CHRM3: variants seen among roughly 807,000 people sequenced by gnomAD.
CHRM3 encodes muscarinic acetylcholine receptor M3.
A neutral mutation model predicts 41.8 loss-of-function variants in CHRM3; 11 were observed. That is an observed-to-expected ratio of 0.26 (90% CI 0.17 to 0.44). The LOEUF is 0.44. Among genes scored for constraint, CHRM3 ranks in the 20% least tolerant of loss-of-function variants. The pLI is 1.00. For missense variants in CHRM3, 571 were observed against 745.4 expected (o/e 0.77, Z 2.72); for synonymous variants, 297 against 301.4 (o/e 0.99, Z 0.15).
At chr1:239,615,360 C>T (rs12080951) in intron 3 of CHRM3, among the ~76,000 whole-genome samples, 32,533 of 151,946 alleles carry the variant, frequency 0.21, 3,837 homozygotes, top group African/African-American at 0.28. Flanking sequence ...AGCTAGAAAT[C>T]GGGTGGGAAA....
intron 6 of CHRM3, among the ~76,000 whole-genome samples, chr1:239,884,761 C>T (rs892226242): frequency 6.6e-6 from 1 of 152,132 alleles, no homozygotes; most frequent in African/African-American, 2.4e-5. Context: ...TTGTATGGTG[C>T]TTACTAGTAG....
At chr1:239,627,223 C>T (rs1468257058) in intron 3 of CHRM3, among the ~76,000 whole-genome samples, 12 of 121,454 alleles carry the variant, frequency 9.9e-5, no homozygotes, top group African/African-American at 2.5e-4. Flanking sequence ...TAGTTAGCTC[C>T]TCTTGTTGAA....
intron 1 of CHRM3, among the ~76,000 whole-genome samples, chr1:239,473,522 T>C (rs964315731): frequency 2.0e-5 from 3 of 152,172 alleles, no homozygotes; most frequent in African/African-American, 7.2e-5. Context: ...GTGTAACTAA[T>C]TTGGAGGGTA....
intron 6 of CHRM3, among the ~76,000 whole-genome samples, chr1:239,868,320 C>T (rs142239963): frequency 4.7e-4 from 72 of 152,274 alleles, no homozygotes; most frequent in African/African-American, 1.6e-3. Context: ...GATTTTACAG[C>T]TGTCACTAAA....
At chr1:239,662,895 C>CTTCTTCTTCTTCTTT (rs745750198) in intron 4 of CHRM3, among the ~76,000 whole-genome samples, 14 of 117,124 alleles carry the variant, frequency 1.2e-4, no homozygotes, top group African/African-American at 4.1e-4. Flanking sequence ...TCCTCCTCCT[C>CTTCTTCTTCTTCTTT]TTCTTCTTCT....
chr1:239,498,917 G>A (rs1041986314), intron 2 of CHRM3, among the ~76,000 whole-genome samples: 1 of 152,050 alleles, frequency 6.6e-6, no homozygotes, highest in African/African-American at 2.4e-5. Flanking sequence ...GTTTTATTTA[G>A]CATGCTTCCT....
chr1:239,433,811 A>G (rs1310214493), intron 1 of CHRM3, among the ~76,000 whole-genome samples: 2 of 152,180 alleles, frequency 1.3e-5, no homozygotes, highest in African/African-American at 2.4e-5. Context: ...ATGACTGAGT[A>G]GTATTCCATC....
At chr1:239,479,710 A>G (rs1666703674) in intron 1 of CHRM3, among the ~76,000 whole-genome samples, 1 of 152,198 alleles carries the variant, frequency 6.6e-6, no homozygotes, top group Non-Finnish European at 1.5e-5. Context: ...TTGTAACACA[A>G]TGGTAAGTAT....
intron 6 of CHRM3, among the ~76,000 whole-genome samples, chr1:239,886,897 T>G (rs2102913705): frequency 6.6e-6 from 1 of 152,298 alleles, no homozygotes; most frequent in East Asian, 1.9e-4. Flanking sequence ...ATATGTGATT[T>G]TATCAAAGCG....
At chr1:239,494,405 C>G (rs1667749747) in intron 2 of CHRM3, among the ~76,000 whole-genome samples, 1 of 152,092 alleles carries the variant, frequency 6.6e-6, no homozygotes, top group South Asian at 2.1e-4. Context: ...CAAATCCGTA[C>G]TATGTGCACT....
intron 5 of CHRM3, among the ~76,000 whole-genome samples, chr1:239,817,276 T>A (rs1229636555): frequency 6.6e-6 from 1 of 152,154 alleles, no homozygotes; most frequent in Non-Finnish European, 1.5e-5. Context: ...ATTTTGAAGT[T>A]CACTGTGAAA....
intron 6 of CHRM3, among the ~76,000 whole-genome samples, chr1:239,861,348 A>G (rs935882882): frequency 6.6e-6 from 1 of 152,130 alleles, no homozygotes; most frequent in Non-Finnish European, 1.5e-5. Flanking sequence ...CTAAGAAGTG[A>G]TGATGGAGTT....
chr1:239,578,772 G>C (rs1662599157), intron 3 of CHRM3, among the ~76,000 whole-genome samples: 1 of 152,048 alleles, frequency 6.6e-6, no homozygotes, highest in Non-Finnish European at 1.5e-5. Context: ...AAGATCACTG[G>C]GACTCCACCC....
chr1:239,682,561 A>G (rs898590190), intron 5 of CHRM3, among the ~76,000 whole-genome samples: 12 of 151,966 alleles, frequency 7.9e-5, no homozygotes, highest in Non-Finnish European at 1.3e-4. Flanking sequence ...ATTTTCTACT[A>G]TTTGTTTTAT....
chr1:239,401,095 C>G (rs7556590), intron 1 of CHRM3, among the ~76,000 whole-genome samples: 2 of 152,150 alleles, frequency 1.3e-5, no homozygotes, highest in Non-Finnish European at 2.9e-5. Context: ...CTGGGAGGGA[C>G]TGAAACATTC....
At chr1:239,573,840 A>G (rs1323623038) in intron 3 of CHRM3, among the ~76,000 whole-genome samples, 3 of 152,120 alleles carry the variant, frequency 2.0e-5, no homozygotes, top group Non-Finnish European at 1.5e-5. Flanking sequence ...AGTAGTTTTC[A>G]TATCACTCTT....
chr1:239,508,644 G>T (rs775635785), intron 2 of CHRM3, among the ~76,000 whole-genome samples: 1 of 152,070 alleles, frequency 6.6e-6, no homozygotes, highest in Non-Finnish European at 1.5e-5. Flanking sequence ...CAGTGAGTAC[G>T]TTCTTACGAA....
At chr1:239,720,659 T>C (rs1662876519) in intron 5 of CHRM3, among the ~76,000 whole-genome samples, 1 of 151,970 alleles carries the variant, frequency 6.6e-6, no homozygotes, top group South Asian at 2.1e-4. Flanking sequence ...TTATTTTAGA[T>C]TTCCTGTTAA....
chr1:239,737,427 T>G (rs1664481280), intron 5 of CHRM3, among the ~76,000 whole-genome samples: 1 of 152,124 alleles, frequency 6.6e-6, no homozygotes, highest in Non-Finnish European at 1.5e-5. Context: ...ACAAATCATT[T>G]AAATTCAGAA....
Sources: allele counts gnomAD v4.1 joint callset (sites outside exome capture counted in the v4.1 genomes callset), GRCh38; gene constraint gnomAD v4.1.1; transcripts MANE v1.5; gene names NCBI Gene and HGNC (gene_info 2026-07-23, HGNC 2026-07-21).